DOCK8: variants seen among roughly 807,000 people sequenced by gnomAD.
DOCK8 encodes the protein dedicator of cytokinesis 8, also known as dedicator of cytokinesis protein 8.
A neutral mutation model predicts 245.6 loss-of-function variants in DOCK8; 141 were observed. The observed-to-expected ratio is 0.57, with a 90% CI of 0.50 to 0.66. DOCK8 has a LOEUF of 0.66. DOCK8 is among the 30% of genes least tolerant of loss of function. DOCK8 has a pLI of 0.00. For synonymous variants in DOCK8, 1,168 were observed against 970.2 expected (o/e 1.20, Z -3.79); for missense variants, 2,965 against 2,603.4 (o/e 1.14, Z -3.02).
chr9:412,380 G>C (rs1586955179), intron 28 of DOCK8, among the ~76,000 whole-genome samples: 1 of 148,568 alleles, frequency 6.7e-6, no homozygotes, highest in East Asian at 2.0e-4. Flanking sequence ...ACTCCAGCCT[G>C]GGCCACAGAG....
At chr9:282,683 G>A (rs567999546) in intron 2 of DOCK8, among the ~76,000 whole-genome samples, 6 of 151,946 alleles carry the variant, frequency 3.9e-5, no homozygotes, top group Non-Finnish European at 7.4e-5. Flanking sequence ...TTGGCCTCCC[G>A]AAGTGCTGGG....
Position 315,526 on chromosome 9 carries a change from T to G in DOCK8, c.742-1517T>G, listed in dbSNP as rs117649777. Among the ~76,000 whole-genome samples, 545 of 152,290 alleles carry G rather than the reference T, an allele frequency of 3.6e-3. 1 individual carries two copies. Among genetic ancestry groups the G allele is most frequent in the Non-Finnish European group, 5.9e-3 (404 of 68,024 alleles). On this transcript the variant is annotated intron_variant, in intron 6 of 47. Transcript: ENST00000432829. Reference sequence around the variant, plus strand: ...AAAATTATTTAGTGGCAATAAGAAATTATTAATTTTTAGGCATAATGGTAT... The same window carrying G: ...AAAATTATTTAGTGGCAATAAGAAAGTATTAATTTTTAGGCATAATGGTAT...
chr9:336,353 G>T (rs1235555787), intron 11 of DOCK8, among the ~76,000 whole-genome samples: 1 of 152,216 alleles, frequency 6.6e-6, no homozygotes, highest in Non-Finnish European at 1.5e-5. Context: ...TGTGGGAGGG[G>T]CCCATGGCTG....
At chr9:430,172 C>G (rs1287834078) in intron 36 of DOCK8, among the ~76,000 whole-genome samples, 2 of 152,152 alleles carry the variant, frequency 1.3e-5, no homozygotes, top group African/African-American at 4.8e-5. Context: ...GTCAGGAGTT[C>G]AAGACTAGCC....
chr9:425,271 A>G lies in DOCK8; in HGVS notation c.4242-1614A>G, dbSNP rs906072370. Among the ~76,000 whole-genome samples, 60 of 152,240 alleles carry G rather than the reference A, an allele frequency of 3.9e-4. 1 individual carries two copies. The highest frequency in any genetic ancestry group is 3.3e-3 in the East Asian group (17 of 5,176). On this transcript the variant is annotated intron_variant, in intron 33 of 47. Transcript: ENST00000432829. ...TAAGGGGCCGGGCACAGTGGCTCACACCTGTAATCCCAGCACTTTGGGAGG... is the reference window on the plus strand; with the variant it reads ...TAAGGGGCCGGGCACAGTGGCTCACGCCTGTAATCCCAGCACTTTGGGAGG...
chr9:316,729 G>T (rs1408120774), intron 6 of DOCK8, among the ~76,000 whole-genome samples: 1 of 152,128 alleles, frequency 6.6e-6, no homozygotes, highest in Non-Finnish European at 1.5e-5. Context: ...ATCAACAATA[G>T]GTATAAGATT....
intron 14 of DOCK8, among the ~76,000 whole-genome samples, chr9:364,896 C>G (rs1190090797): frequency 1.3e-5 from 2 of 152,154 alleles, no homozygotes; most frequent in Non-Finnish European, 2.9e-5. Flanking sequence ...ATGGACCAAT[C>G]AAATAGAACA....
At chr9:243,790 T>C (rs1463855322) in intron 1 of DOCK8, among the ~76,000 whole-genome samples, 1 of 152,154 alleles carries the variant, frequency 6.6e-6, no homozygotes, top group Non-Finnish European at 1.5e-5. Flanking sequence ...TGAAAGGGAC[T>C]CTTTGACCCA....
intron 2 of DOCK8, among the ~76,000 whole-genome samples, chr9:280,413 C>T (rs2048527661): frequency 6.6e-6 from 1 of 152,146 alleles, no homozygotes; most frequent in Non-Finnish European, 1.5e-5. Flanking sequence ...GAAACAGAAG[C>T]TGTAGGAAAT....
chr9:363,524 T>C (rs754541), intron 14 of DOCK8, among the ~76,000 whole-genome samples: 87,480 of 152,128 alleles, frequency 0.58, 26,561 homozygotes, highest in East Asian at 0.82. Context: ...TTCGTTTCTT[T>C]AAAAACATGC....
intron 8 of DOCK8, among the ~76,000 whole-genome samples, chr9:327,182 C>A (rs936656924): frequency 6.6e-6 from 1 of 152,146 alleles, no homozygotes; most frequent in Non-Finnish European, 1.5e-5. Flanking sequence ...ACTCTAATCT[C>A]TCCCTGGCAC....
intron 2 of DOCK8, chr9:273,142 A>C (rs530754623): frequency 1.1e-6 from 1 of 899,036 alleles, no homozygotes; most frequent in African/African-American, 2.3e-5. Context: ...TCAGAAGGAT[A>C]ATTTGTGTGT....
chr9:284,071 T>C (rs2048708043), intron 2 of DOCK8, among the ~76,000 whole-genome samples: 1 of 152,192 alleles, frequency 6.6e-6, no homozygotes, highest in African/African-American at 2.4e-5. Flanking sequence ...GTAATGAGGT[T>C]GGGGCTGGAA....
At chr9:368,409 A>G (rs2053117013) in intron 15 of DOCK8, 5 of 650,448 alleles carry the variant, frequency 7.7e-6, no homozygotes, top group Admixed American at 2.3e-5. Flanking sequence ...CATACTGCCC[A>G]TAGGACCACC....
At chr9:393,904 G>C (rs1285027410) in intron 24 of DOCK8, among the ~76,000 whole-genome samples, 1 of 152,206 alleles carries the variant, frequency 6.6e-6, no homozygotes, top group African/African-American at 2.4e-5. Flanking sequence ...ATGAGGATTG[G>C]TGAGAGCCCC....
In DOCK8 at chr9:434,894, G is replaced by C. The variant is rs370901183; in HGVS notation, c.4998G>C (p.Val1666=). The C allele has an allele frequency of 1.6e-4, 251 of 1,613,810 alleles. No homozygotes were observed. Among genetic ancestry groups the C allele is most frequent in the Non-Finnish European group, 1.9e-4 (227 of 1,180,044 alleles). The change falls in exon 39 of 48, where the codon GTG becomes GTC. Residue 1666 remains valine (V), a synonymous_variant. Coordinates refer to ENST00000432829, the MANE Select transcript of DOCK8 (RefSeq NM_203447.4). ...ACACGGAGGCTGCCATGTGCCTGGT[G>C]CACGCCGCTGCGTTAGTGGCTGAGT... ...KCYTEAAMCL[V]HAAALVAEYL...
Position 420,503 on chromosome 9 carries a change from T to C in DOCK8, c.3943T>C (p.Trp1315Arg). The C allele has an allele frequency of 1.2e-6, 2 of 1,614,124 alleles. No individual in the cohort carries two copies. Among genetic ancestry groups the C allele is most frequent in the Non-Finnish European group, 8.5e-7 (1 of 1,180,030 alleles). ...KNADQSLIRK[W>R]IADLPSTQLN... ...TGCTGATCAGAGCCTCATTAGGAAG[T>C]GGATTGCTGACCTGCCATCAACGCA... The change falls in exon 31 of 48, where the codon TGG becomes CGG. Residue 1315 changes from tryptophan to arginine, a missense_variant. Physicochemically the swap from Trp to Arg is moderately radical, Grantham distance 101 (BLOSUM62 -3). This residue lies in a region of DOCK8 where 2,825 missense variants were observed against 2,453.5 expected (regional missense o/e 1.15). Transcript: ENST00000432829.
chr9:438,473 C>T (rs2056977162), intron 39 of DOCK8, among the ~76,000 whole-genome samples: 1 of 152,166 alleles, frequency 6.6e-6, no homozygotes, highest in East Asian at 1.9e-4. Context: ...GAAAATGATT[C>T]TTGACCTGTC....
intron 1 of DOCK8, among the ~76,000 whole-genome samples, chr9:236,980 C>T (rs1394551473): frequency 6.6e-6 from 1 of 152,222 alleles, no homozygotes; most frequent in African/African-American, 2.4e-5. Flanking sequence ...CATCAATCTG[C>T]AAGGAGGGCT....
Sources: allele counts gnomAD v4.1 joint callset (sites outside exome capture counted in the v4.1 genomes callset), GRCh38; gene constraint gnomAD v4.1.1; regional missense constraint gnomAD v4.1.1; transcripts MANE v1.5; gene names NCBI Gene and HGNC (gene_info 2026-07-23, HGNC 2026-07-21).